RTTN: variants seen among roughly 807,000 people sequenced by gnomAD.
RTTN encodes rotatin.
A neutral mutation model predicts 269.2 loss-of-function variants in RTTN; 182 were observed. The observed-to-expected ratio is 0.68, with a 90% CI of 0.60 to 0.76. The LOEUF (loss-of-function observed/expected upper bound fraction) is 0.76, where lower values mean the gene tolerates loss of function less well. Ranked by LOEUF, RTTN falls within the 30% of genes least tolerant of loss-of-function variation. RTTN has a pLI of 0.00. For missense variants in RTTN, 2,545 were observed against 2,608.6 expected (o/e 0.98, Z 0.53); for synonymous variants, 1,006 against 963.5 (o/e 1.04, Z -0.82).
chr18:70,193,108 C>T (rs1377694082), intron 8 of RTTN, 180 bp downstream of exon 8: 6 of 557,074 alleles, frequency 1.1e-5, no homozygotes, highest in Non-Finnish European at 1.8e-5. Context: ...CTGTCCTTAC[C>T]GTGGATCATG....
chr18:70,172,075 C>G (rs1267611363), intron 11 of RTTN, among the ~76,000 whole-genome samples: 2 of 152,162 alleles, frequency 1.3e-5, no homozygotes, highest in African/African-American at 4.8e-5. Context: ...CAGAACAGGG[C>G]TAGTACTTTT....
In RTTN at chr18:70,196,566, A is replaced by G; in HGVS notation, c.776T>C (p.Leu259Pro). 1.2e-6 allele frequency: 2 copies of G among 1,612,936 alleles called. No individual in the cohort carries two copies. Among genetic ancestry groups the G allele is most frequent in the South Asian group, 2.2e-5 (2 of 90,976 alleles). Residue 259 changes from leucine (L) to proline (P), a missense_variant, in exon 7 of 49, where the codon CTG becomes CCG. Coordinates refer to ENST00000640769, the MANE Select transcript of RTTN (RefSeq NM_173630.4). Reference protein sequence around the residue: ...ALQSVSCLQQLCMYLRNRLNF... With the variant: ...ALQSVSCLQQPCMYLRNRLNF... ...AAGTCTGTTTCTTAAATACATGCAC[A>G]GCTGCTGCAGGCAGGACACCGACTG...
Position 70,004,226 on chromosome 18 carries a change from G to A in RTTN, c.6606C>T (p.Asn2202=). The A allele has an allele frequency of 6.2e-7, 1 of 1,612,846 alleles. No homozygotes were observed. Among genetic ancestry groups the A allele is most frequent in the Non-Finnish European group, 8.5e-7 (1 of 1,178,946 alleles). ...AGGCATTTAGAGGGTTTGCTTCTGAGTTTGGGAAAGCTGAGATAGAAAAAT... is the reference window on the plus strand; with the variant it reads ...AGGCATTTAGAGGGTTTGCTTCTGAATTTGGGAAAGCTGAGATAGAAAAAT... The part of the protein sequence containing the change: ...AYSLAKKTFP[N]SEANPLNAYY... Residue 2202 remains asparagine (N), a synonymous_variant, in exon 49 of 49, where the codon AAC becomes AAT. Transcript: ENST00000640769.
chr18:70,109,068 T>G (rs1021141145), intron 28 of RTTN, among the ~76,000 whole-genome samples: 22 of 152,166 alleles, frequency 1.4e-4, no homozygotes, highest in African/African-American at 5.3e-4. Flanking sequence ...CATCTAGAAC[T>G]GCACAAACTG....
intron 2 of RTTN, 110 bp downstream of exon 2, chr18:70,205,018 T>C (rs1051428898): frequency 2.8e-6 from 3 of 1,060,722 alleles, no homozygotes; most frequent in Non-Finnish European, 4.2e-6. Context: ...CTCTGGTTGA[T>C]TAAAAAAACT....
chr18:70,128,671 G>A (rs1407343001), intron 23 of RTTN, 125 bp from the exon 24 acceptor site: 1 of 683,046 alleles, frequency 1.5e-6, no homozygotes, highest in African/African-American at 1.8e-5. Flanking sequence ...GTTTCTCTTA[G>A]TCCCTATTTT....
chr18:70,092,706 G>C lies in RTTN; in HGVS notation c.4002C>G (p.Ser1334=), dbSNP rs1451825423. Residue 1334 remains serine (S), a synonymous_variant, in exon 29 of 49, where the codon TCC becomes TCG. Transcript: ENST00000640769. ...KSTILCLLHL[S]HEMMAQAGSL... The stretch of plus-strand genomic sequence containing the variant: ...TCCCAGCCTGGGCCATCATCTCATG[G>C]GATAAGTGAAGCAAGCAAAGAATTG... 5 of 1,613,120 alleles carry C rather than the reference G, an allele frequency of 3.1e-6. No individual in the cohort carries two copies. The highest frequency in any genetic ancestry group is 2.7e-5 in the African/African-American group (2 of 74,888).
In RTTN at chr18:70,060,021, G is replaced by C; in HGVS notation, c.4769C>G (p.Pro1590Arg). The C allele has an allele frequency of 1.2e-6, 2 of 1,610,896 alleles. No individual in the cohort carries two copies. The highest frequency in any genetic ancestry group is 1.7e-6 in the Non-Finnish European group (2 of 1,178,490). The change falls in exon 36 of 49, where the codon CCA (proline) becomes CGA (arginine). Residue 1590 changes from proline (P) to arginine (R), a missense_variant. Physicochemically the swap from Pro to Arg is moderately radical, Grantham distance 103. Transcript: ENST00000640769. The part of the protein sequence containing the change: ...VAQGHQESTS[P>R]RPPHDSSLSA... ...AAGAGATGAATCATGAGGTGGCCGT[G>C]GTGATGTACTTTCCTGGTGACCTAT...
chr18:70,041,041 T>C (rs2057324711), intron 40 of RTTN, among the ~76,000 whole-genome samples: 2 of 151,378 alleles, frequency 1.3e-5, no homozygotes, highest in African/African-American at 4.9e-5. Flanking sequence ...CCAACAAACA[T>C]GCGAAAAATA....
chr18:70,201,607 CAAA>C (rs34966295), intron 4 of RTTN, among the ~76,000 whole-genome samples: 2 of 41,006 alleles, frequency 4.9e-5, no homozygotes, highest in South Asian at 1.8e-3. Context: ...GACTCCATCT[CAAA>C]AAAAAAAAAA....
At chr18:70,096,643 G>C (rs2059011684) in intron 28 of RTTN, among the ~76,000 whole-genome samples, 1 of 152,232 alleles carries the variant, frequency 6.6e-6, no homozygotes, top group Admixed American at 6.5e-5. Context: ...GAACAGCAAA[G>C]ATTGCTGCCT....
At position 70,188,119 on chromosome 18, in the gene RTTN, C is replaced by T; in HGVS notation, c.1294G>A (p.Gly432Ser). The change falls in exon 10 of 49, where the codon GGT (glycine) becomes AGT (serine). Residue 432 changes from glycine to serine, a missense_variant. Physicochemically the swap from Gly to Ser is moderately conservative, Grantham distance 56. Coordinates refer to ENST00000640769, the MANE Select transcript of RTTN (RefSeq NM_173630.4). ...TDIWDDSSLF[G>S]IDMKEKLLLV... ...ACATTGATTCTTACCATATCTATAC[C>T]AAAAAGGCTGCTGTCATCCCAGATA... 6.3e-7 allele frequency: 1 copy of T among 1,588,030 alleles called. No homozygotes were observed. The highest frequency in any genetic ancestry group is 8.6e-7 in the Non-Finnish European group (1 of 1,156,886).
At chr18:70,147,297 A>G (rs1204128701) in intron 17 of RTTN, among the ~76,000 whole-genome samples, 2 of 152,104 alleles carry the variant, frequency 1.3e-5, no homozygotes, top group East Asian at 1.9e-4. Flanking sequence ...AACCTTTTCT[A>G]TGTTTAGATA....
At position 70,005,222 on chromosome 18, in the gene RTTN, C is replaced by A; in HGVS notation, c.6571G>T (p.Glu2191Ter). The change falls in exon 48 of 49, where the codon GAA becomes TAA. Residue 2191 changes from glutamate to a stop codon, truncating the protein, a stop_gained. Transcript: ENST00000640769. LOFTEE classifies it high-confidence loss of function. ...CTTTTCTTTGCTAAGGAGTATGCTT[C>A]ATCCACTCTTCTTTTTACTGATGGG... ...KSPSVKRRVD[E>*]AYSLAKKTFP... 1 of 1,612,558 alleles carries A rather than the reference C, an allele frequency of 6.2e-7. No homozygotes were observed. The highest frequency in any genetic ancestry group is 8.5e-7 in the Non-Finnish European group (1 of 1,179,130).
In RTTN at chr18:70,085,881, T is replaced by C. The variant is rs2058687927; in HGVS notation, c.4374+732A>G. 1.3e-5 allele frequency among the ~76,000 whole-genome samples: 2 copies of C among 152,160 alleles called. 1 individual carries two copies. Among genetic ancestry groups the C allele is most frequent in the South Asian group, 4.1e-4 (2 of 4,828 alleles). ...TTACCTAACTGGGTACAATGTTCAA[T>C]ATTTGGGTAATGAGTACACGAGAAC... On this transcript the variant is annotated intron_variant, in intron 32 of 48. Coordinates refer to ENST00000640769, the MANE Select transcript of RTTN (RefSeq NM_173630.4).
intron 43 of RTTN, among the ~76,000 whole-genome samples, chr18:70,027,223 G>C (rs1161621118): frequency 6.6e-6 from 1 of 152,070 alleles, no homozygotes; most frequent in Non-Finnish European, 1.5e-5. Context: ...CTAATGTTAT[G>C]CATATGCAAA....
rs2060978988 is a variant in RTTN at position 70,166,119 on chromosome 18, A to C, written c.1872T>G (p.Ser624=). Residue 624 remains serine, a synonymous_variant, in exon 14 of 49, where the codon TCT becomes TCG. Transcript: ENST00000640769. ...ESQKVLLHML[S]HPLPRVKAET... ...CAGCTTTCACTCGTGGCAATGGGTGAGACAACATATGGAGAAGCACCTTCT... is the reference window on the plus strand; with the variant it reads ...CAGCTTTCACTCGTGGCAATGGGTGCGACAACATATGGAGAAGCACCTTCT... 1 of 1,613,738 alleles carries C rather than the reference A, an allele frequency of 6.2e-7. No individual in the cohort carries two copies. Among genetic ancestry groups the C allele is most frequent in the Non-Finnish European group, 8.5e-7 (1 of 1,179,782 alleles).
intron 33 of RTTN, 147 bp from the exon 34 acceptor site, chr18:70,074,141 T>TA (rs879380082): frequency 0.032 from 11,319 of 350,144 alleles, no homozygotes; most frequent in South Asian, 0.051. Context: ...GACCACTATT[T>TA]AAAAAAAAAA....
chr18:70,010,078 T>C (rs953370567), intron 46 of RTTN, among the ~76,000 whole-genome samples: 5 of 152,126 alleles, frequency 3.3e-5, no homozygotes, highest in Non-Finnish European at 7.3e-5. Context: ...AGCACCCAGA[T>C]TCATAAAGCA....
Sources: gnomAD v4.1 joint callset for allele counts (sites outside exome capture counted in the v4.1 genomes callset) on GRCh38, gnomAD v4.1.1 for gene constraint, MANE v1.5 for transcripts, NCBI Gene and HGNC (gene_info 2026-07-23, HGNC 2026-07-21) for gene names.